Variants in MIER2 observed in about 807,000 individuals in gnomAD.
The protein encoded by MIER2 is MIER family member 2.
MIER2 carries 30 observed loss-of-function variants against 67.6 expected under a neutral mutation model. That is an observed-to-expected ratio of 0.44 (90% CI 0.33 to 0.60). The LOEUF is 0.60. MIER2 is among the 20% of genes least tolerant of loss of function. The probability of loss-of-function intolerance (pLI) is 0.02; values close to 1 mark genes in which losing one functional copy is unlikely to be tolerated. For missense variants in MIER2, 702 were observed against 745.1 expected (o/e 0.94, Z 0.67); for synonymous variants, 372 against 312.6 (o/e 1.19, Z -2.00).
At chr19:310,976 T>A (rs1970974920) in intron 10 of MIER2, among the ~76,000 whole-genome samples, 1 of 152,242 alleles carries the variant, frequency 6.6e-6, no homozygotes, top group African/African-American at 2.4e-5. Flanking sequence ...TGCTGGAGTC[T>A]GACAAGGACA....
In MIER2 at chr19:308,511, C is replaced by CG; in HGVS notation, c.1198+65dup. The CG allele has an allele frequency of 6.8e-7, 1 of 1,472,882 alleles. No individual in the cohort carries two copies. The highest frequency in any genetic ancestry group is 9.2e-7 in the Non-Finnish European group (1 of 1,088,610). 91.2% of individuals were successfully genotyped at this position (1,472,882 alleles called of 1,614,324 possible). ...GGGCGCCAGGCAGGAGAGGCTCCAC[C>CG]GGGCCTCACTCACGGCTCCAGACCC... On this transcript the variant is annotated intron_variant, in intron 12 of 13. Coordinates refer to ENST00000264819, the MANE Select transcript of MIER2 (RefSeq NM_017550.3). This position sits in a 1 kb window ranked among gnomAD's most constrained non-coding sequence, Gnocchi z 9.1.
chr19:317,362 C>T (rs1393240783), intron 7 of MIER2, among the ~76,000 whole-genome samples: 2 of 151,986 alleles, frequency 1.3e-5, no homozygotes, highest in Non-Finnish European at 2.9e-5. Flanking sequence ...CTCGTCTCTA[C>T]TAAAAATACA....
At chr19:325,272 G>A (rs1298043390) in intron 7 of MIER2, among the ~76,000 whole-genome samples, 2 of 152,240 alleles carry the variant, frequency 1.3e-5, no homozygotes, top group East Asian at 3.9e-4. Context: ...AGCATCCGGC[G>A]GGTCTCTGGA....
At chr19:315,393 C>G (rs951210741) in intron 7 of MIER2, among the ~76,000 whole-genome samples, 1 of 152,182 alleles carries the variant, frequency 6.6e-6, no homozygotes, top group Non-Finnish European at 1.5e-5. Context: ...AAGAACACAT[C>G]AGACAACAAA....
At chr19:317,039 T>C (rs1272164020) in intron 7 of MIER2, among the ~76,000 whole-genome samples, 2 of 152,126 alleles carry the variant, frequency 1.3e-5, no homozygotes, top group African/African-American at 4.8e-5. Context: ...CTAAAACTTA[T>C]AAGCTGAAAC....
intron 1 of MIER2, among the ~76,000 whole-genome samples, chr19:342,679 G>C (rs775850141): frequency 6.6e-6 from 1 of 151,018 alleles, no homozygotes; most frequent in Non-Finnish European, 1.5e-5. Context: ...CTGGGATACT[G>C]ATACAGAATA....
chr19:343,128 C>T (rs1003385987), intron 1 of MIER2, among the ~76,000 whole-genome samples: 1 of 152,162 alleles, frequency 6.6e-6, no homozygotes, highest in South Asian at 2.1e-4. Flanking sequence ...AGGGCACCAC[C>T]CCAAAGTGTA....
In MIER2 at chr19:306,603, G is replaced by T; in HGVS notation, c.*87C>A. 1 of 1,523,990 alleles carries T rather than the reference G, an allele frequency of 6.6e-7. No individual in the cohort carries two copies. Among genetic ancestry groups the T allele is most frequent in the Admixed American group, 2.0e-5 (1 of 50,838 alleles). The allele number at this position is 1,523,990 out of a possible 1,614,324, so 94.4% of individuals were successfully genotyped here. ...GTGCTACCCCAAGGCCCGGGGGGTG[G>T]GGAAGGGGTCAGGAAGACTGACAGA... On this transcript the variant is annotated 3_prime_UTR_variant, in exon 14 of 14. Transcript: ENST00000264819.
intron 10 of MIER2, among the ~76,000 whole-genome samples, chr19:309,318 C>A (rs749392441): frequency 6.6e-6 from 1 of 152,062 alleles, no homozygotes; most frequent in East Asian, 1.9e-4. Context: ...CTCACAGGCC[C>A]GGGGTGGGAG....
intron 3 of MIER2, among the ~76,000 whole-genome samples, chr19:329,885 A>G (rs76127644): frequency 1.4e-3 from 207 of 151,616 alleles, no homozygotes; most frequent in African/African-American, 4.6e-3. Context: ...AAAAAAAAAA[A>G]AAGAAGATGC....
At chr19:311,775 G>A in intron 10 of MIER2, 70 bp downstream of exon 10, 1 of 1,472,228 alleles carries the variant, frequency 6.8e-7, no homozygotes, top group Non-Finnish European at 9.4e-7. Context: ...CGTGTGCTGT[G>A]TGCCTGCGGA....
chr19:331,336 C>A (rs1972012251), intron 3 of MIER2, among the ~76,000 whole-genome samples: 2 of 142,078 alleles, frequency 1.4e-5, no homozygotes, highest in Non-Finnish European at 3.0e-5. Context: ...CCAGTCTGGG[C>A]AACAGAGTGA....
intron 1 of MIER2, 52 bp downstream of exon 1, chr19:344,722 G>A (rs1972668547): frequency 9.0e-7 from 1 of 1,105,652 alleles, no homozygotes; most frequent in Non-Finnish European, 1.1e-6. Context: ...CGGCGGCGGG[G>A]GGCGCGGACG....
At chr19:317,858 G>T (rs1302729691) in intron 7 of MIER2, among the ~76,000 whole-genome samples, 1 of 152,050 alleles carries the variant, frequency 6.6e-6, no homozygotes, top group Non-Finnish European at 1.5e-5. Flanking sequence ...TTTAAAAAAT[G>T]TACATGGACT....
intron 1 of MIER2, among the ~76,000 whole-genome samples, chr19:337,275 C>T (rs1007462925): frequency 3.3e-5 from 5 of 152,118 alleles, no homozygotes; most frequent in South Asian, 2.1e-4. Flanking sequence ...ATTTAATATC[C>T]AAAAGTCAAT....
chr19:317,612 C>A (rs1354712823), intron 7 of MIER2, among the ~76,000 whole-genome samples: 1 of 148,608 alleles, frequency 6.7e-6, no homozygotes, highest in East Asian at 2.0e-4. Context: ...TGCGTGTAAT[C>A]CCAGCTACTT....
intron 1 of MIER2, chr19:344,034 G>A (rs1972625844): frequency 2.0e-6 from 2 of 985,430 alleles, no homozygotes; most frequent in Non-Finnish European, 2.4e-6. Context: ...AAAAATTCTG[G>A]ATTCCAAAAT....
intron 12 of MIER2, among the ~76,000 whole-genome samples, chr19:307,855 C>T (rs1014456125): frequency 6.6e-6 from 1 of 151,936 alleles, no homozygotes; most frequent in East Asian, 1.9e-4. Context: ...GTGGAATACA[C>T]AGACTTAGGT....
At chr19:328,779 C>T (rs1173604621) in intron 3 of MIER2, among the ~76,000 whole-genome samples, 3 of 152,050 alleles carry the variant, frequency 2.0e-5, no homozygotes, top group Admixed American at 6.6e-5. Context: ...ACTATGTAAA[C>T]GGATGCTTCA....
Sources: gnomAD v4.1 joint callset for allele counts (sites outside exome capture counted in the v4.1 genomes callset) on GRCh38, gnomAD v4.1.1 for gene constraint, Gnocchi (gnomAD v3.1) non-coding constraint, MANE v1.5 for transcripts, NCBI Gene and HGNC (gene_info 2026-07-23, HGNC 2026-07-21) for gene names.